Variants in SLC5A3 observed in about 807,000 individuals in gnomAD.
SLC5A3 encodes sodium/myo-inositol cotransporter.
SLC5A3 carries 10 observed loss-of-function variants against 43.2 expected under a neutral mutation model. That is an observed-to-expected ratio of 0.23 (90% confidence interval 0.14 to 0.39). The LOEUF (loss-of-function observed/expected upper bound fraction) is 0.39. Among genes scored for constraint, SLC5A3 ranks in the 10% least tolerant of loss-of-function variants. The pLI, the probability that SLC5A3 is intolerant of heterozygous loss-of-function variation, is 1.00. For missense variants in SLC5A3, 608 were observed against 893.4 expected (o/e 0.68, Z 4.07); for synonymous variants, 349 against 322.0 (o/e 1.08, Z -0.90).
In SLC5A3 at chr21:34,099,192, A is replaced by AT. The variant is rs1979117072; in HGVS notation, c.*1844dup. On this transcript the variant is annotated 3_prime_UTR_variant, in exon 2 of 2. Transcript: ENST00000381151. ...TGAAGAGCTTAGAGTGCCTTGTAGAATTTTTTTCTCAATTTTATTCTTGAG... is the reference window on the plus strand; with the variant it reads ...TGAAGAGCTTAGAGTGCCTTGTAGAATTTTTTTTCTCAATTTTATTCTTGAG... 1.0e-6 allele frequency: 1 copy of AT among 999,806 alleles called. No individual in the cohort carries two copies. Among genetic ancestry groups the AT allele is most frequent in the Non-Finnish European group, 1.2e-6 (1 of 829,772 alleles). 61.9% of individuals were successfully genotyped at this position (999,806 alleles called of 1,614,324 possible). A position where few individuals can be genotyped will look rare whatever the true frequency, so the allele number is the denominator to read the frequency against.
rs760172791 is a variant in SLC5A3, at chr21:34,095,160, C to T, written c.-39C>T. ...CTAAAAATAAATAAAAAGTTGGACA[C>T]TTCTGTCATTGGAGCGCTATTATTC... On this transcript the variant is annotated 5_prime_UTR_variant, in exon 2 of 2. Coordinates refer to ENST00000381151, the MANE Select transcript of SLC5A3 (RefSeq NM_006933.7). 1 of 1,423,948 alleles carries T rather than the reference C, an allele frequency of 7.0e-7. No individual in the cohort carries two copies. The highest frequency in any genetic ancestry group is 2.5e-5 in the East Asian group (1 of 40,022). The allele number at this position is 1,423,948 out of a possible 1,614,324, so 88.2% of individuals were successfully genotyped here. A position where few individuals can be genotyped will look rare whatever the true frequency, so the allele number is the denominator to read the frequency against.
chr21:34,095,631 T>G lies in SLC5A3; in HGVS notation c.433T>G (p.Ser145Ala). 1 of 1,613,260 alleles carries G rather than the reference T, an allele frequency of 6.2e-7. No homozygotes were observed. Among genetic ancestry groups the G allele is most frequent in the Non-Finnish European group, 8.5e-7 (1 of 1,179,788 alleles). The change falls in exon 2 of 2, where the codon TCG becomes GCG. Residue 145 changes from serine (S) to alanine (A), a missense_variant. Ser to Ala is a moderately conservative substitution (Grantham distance 99). Around this residue, in one of 2 missense-constraint regions of SLC5A3, gnomAD observed 398 missense variants for 668.6 expected, o/e 0.60. Transcript: ENST00000381151. ...CACCAAGCTCTCGGTGGATCTGTAT[T>G]CGGGTGCCCTTTTTATCCAGGAGTC... is the stretch of plus-strand genomic sequence containing the variant. The part of the protein sequence containing the change: ...IFTKLSVDLY[S>A]GALFIQESLG...
chr21:34,079,842 C>G (rs16991167), intron 1 of SLC5A3, among the ~76,000 whole-genome samples: 1,749 of 152,180 alleles, frequency 0.011, 38 homozygotes, highest in South Asian at 0.081. Context: ...TTATGGCCTC[C>G]TGGGTATCCC....
rs1203522457 is a variant in SLC5A3, at chr21:34,098,169, T to G, written c.*814T>G. On this transcript the variant is annotated 3_prime_UTR_variant, in exon 2 of 2. Transcript: ENST00000381151. ...ATCATATTAAGGTTGTTTATATAGT[T>G]TGGAAATGACCAGCCCCCTAAGCAG... The G allele has an allele frequency of 1.0e-6, 1 of 999,896 alleles. No homozygotes were observed. Among genetic ancestry groups the G allele is most frequent in the Non-Finnish European group, 1.2e-6 (1 of 829,870 alleles). The allele number at this position is 999,896 out of a possible 1,614,324, so 61.9% of individuals were successfully genotyped here.
At chr21:34,090,144 G>A (rs1015572374) in intron 1 of SLC5A3, among the ~76,000 whole-genome samples, 1 of 152,206 alleles carries the variant, frequency 6.6e-6, no homozygotes, top group African/African-American at 2.4e-5. Flanking sequence ...AATCTGTAGT[G>A]TTGTCTTTAG....
Position 34,104,730 on chromosome 21 carries a change from G to T in SLC5A3, c.*7375G>T. ...GGGAAGAAGATTACCAGAAGTGCAGGAAAGAGAAGTTTGAGGAACACCCTT... is the reference window on the plus strand; with the variant it reads ...GGGAAGAAGATTACCAGAAGTGCAGTAAAGAGAAGTTTGAGGAACACCCTT... On this transcript the variant is annotated 3_prime_UTR_variant, in exon 2 of 2. Transcript: ENST00000381151. 1.0e-6 allele frequency: 1 copy of T among 999,310 alleles called. No individual in the cohort carries two copies. The highest frequency in any genetic ancestry group is 1.2e-6 in the Non-Finnish European group (1 of 829,158). 61.9% of individuals were successfully genotyped at this position (999,310 alleles called of 1,614,324 possible). A position where few individuals can be genotyped will look rare whatever the true frequency, so the allele number is the denominator to read the frequency against.
At position 34,102,701 on chromosome 21, in the gene SLC5A3, C is replaced by T. The variant is rs982414435; in HGVS notation, c.*5346C>T. ...TAGAATAAAGTAAGCAGCTGAAGAGCGAGCAAATCAAGACAAAACACAGTG... is the reference window on the plus strand; with the variant it reads ...TAGAATAAAGTAAGCAGCTGAAGAGTGAGCAAATCAAGACAAAACACAGTG... On this transcript the variant is annotated 3_prime_UTR_variant, in exon 2 of 2. Coordinates refer to ENST00000381151, the MANE Select transcript of SLC5A3 (RefSeq NM_006933.7). 22 of 1,000,082 alleles carry T rather than the reference C, an allele frequency of 2.2e-5. No individual in the cohort carries two copies. The highest frequency in any genetic ancestry group is 2.7e-5 in the Non-Finnish European group (22 of 829,868). The allele number at this position is 1,000,082 out of a possible 1,614,324, so 62.0% of individuals were successfully genotyped here.
Position 34,095,873 on chromosome 21 carries a change from T to G in SLC5A3, c.675T>G (p.Thr225=), listed in dbSNP as rs377179597. The change falls in exon 2 of 2, where the codon ACT becomes ACG. Residue 225 remains threonine (T), a synonymous_variant. Coordinates refer to ENST00000381151, the MANE Select transcript of SLC5A3 (RefSeq NM_006933.7). ...ACATGTTGGCCTCACCCGATGTCAC[T>G]TCCATCTTATTGACATACAACCTTT... ...RRYMLASPDV[T]SILLTYNLSN... is the part of the protein sequence containing the mutation. 2.3e-5 allele frequency: 37 copies of G among 1,614,018 alleles called. No homozygotes were observed. The highest frequency in any genetic ancestry group is 4.0e-5 in the African/African-American group (3 of 74,904).
intron 1 of SLC5A3, among the ~76,000 whole-genome samples, chr21:34,080,492 A>G (rs914188388): frequency 6.6e-6 from 1 of 151,980 alleles, no homozygotes; most frequent in African/African-American, 2.4e-5. Flanking sequence ...CTCCCTTTCC[A>G]CAATACCCCA....
chr21:34,087,673 C>G (rs570476060), intron 1 of SLC5A3, among the ~76,000 whole-genome samples: 190 of 152,162 alleles, frequency 1.2e-3, no homozygotes, highest in Non-Finnish European at 2.4e-3. Context: ...AAAGTGTTGC[C>G]TGCATAGGAA....
At chr21:34,079,470 G>T (rs2148652549) in intron 1 of SLC5A3, among the ~76,000 whole-genome samples, 1 of 151,902 alleles carries the variant, frequency 6.6e-6, no homozygotes, top group East Asian at 1.9e-4. Flanking sequence ...GAGTCTTGCT[G>T]TGTTGCCTAG....
At chr21:34,074,788 A>C (rs1989285649) in intron 1 of SLC5A3, among the ~76,000 whole-genome samples, 1 of 152,246 alleles carries the variant, frequency 6.6e-6, no homozygotes, top group Non-Finnish European at 1.5e-5. Context: ...GTTTGAAATT[A>C]GGCTCCAGGT....
rs1979199090 is a variant in SLC5A3 at position 34,100,726 on chromosome 21, A to T, written c.*3371A>T. Reference sequence around the variant, plus strand: ...GCTAAGCAAGGGGTTAACTCTTGTGAGAGCCAATAGAGTGTGTCTGTATTC... The same window carrying T: ...GCTAAGCAAGGGGTTAACTCTTGTGTGAGCCAATAGAGTGTGTCTGTATTC... On this transcript the variant is annotated 3_prime_UTR_variant, in exon 2 of 2. Coordinates refer to ENST00000381151, the MANE Select transcript of SLC5A3 (RefSeq NM_006933.7). 7.0e-6 allele frequency: 7 copies of T among 999,960 alleles called. No individual in the cohort carries two copies. Among genetic ancestry groups the T allele is most frequent in the Non-Finnish European group, 7.2e-6 (6 of 829,888 alleles). The allele number at this position is 999,960 out of a possible 1,614,324, so 61.9% of individuals were successfully genotyped here. A position where few individuals can be genotyped will look rare whatever the true frequency, so the allele number is the denominator to read the frequency against.
intron 1 of SLC5A3, among the ~76,000 whole-genome samples, chr21:34,092,743 T>A (rs561012834): frequency 4.4e-4 from 67 of 152,320 alleles, no homozygotes; most frequent in African/African-American, 1.6e-3. Context: ...GCAGCTACTA[T>A]GACACATAAC....
At chr21:34,082,612 A>G (rs923885100) in intron 1 of SLC5A3, among the ~76,000 whole-genome samples, 1 of 152,214 alleles carries the variant, frequency 6.6e-6, no homozygotes, top group Non-Finnish European at 1.5e-5. Flanking sequence ...ACCATGAAAA[A>G]AATTCAGGTG....
At chr21:34,082,196 A>G (rs901434415) in intron 1 of SLC5A3, among the ~76,000 whole-genome samples, 3 of 152,182 alleles carry the variant, frequency 2.0e-5, no homozygotes, top group African/African-American at 7.2e-5. Context: ...TAAATCTCTT[A>G]GCATTTATGT....
At chr21:34,079,486 A>C (rs1989410092) in intron 1 of SLC5A3, among the ~76,000 whole-genome samples, 1 of 150,744 alleles carries the variant, frequency 6.6e-6, no homozygotes, top group Non-Finnish European at 1.5e-5. Flanking sequence ...CCTAGGCTGG[A>C]GTGCAGTGGC....
chr21:34,076,852 C>T (rs1034468385), intron 1 of SLC5A3, among the ~76,000 whole-genome samples: 28 of 152,146 alleles, frequency 1.8e-4, no homozygotes, highest in Non-Finnish European at 1.5e-5. Context: ...TCCTGTTACA[C>T]CCATATCAGA....
Position 34,100,828 on chromosome 21 carries a change from T to G in SLC5A3, c.*3473T>G. The G allele has an allele frequency of 1.0e-6, 1 of 1,000,256 alleles. No individual in the cohort carries two copies. The highest frequency in any genetic ancestry group is 5.2e-4 in the Middle Eastern group (1 of 1,916). 62.0% of individuals were successfully genotyped at this position (1,000,256 alleles called of 1,614,324 possible). ...ACTTTGAATATCATTTGGTGTGGCC[T>G]GTGGGTTATTTTCATTCTTTACCAC... is the stretch of plus-strand genomic sequence containing the variant. On this transcript the variant is annotated 3_prime_UTR_variant, in exon 2 of 2. Transcript: ENST00000381151.
Sources: allele counts gnomAD v4.1 joint callset (sites outside exome capture counted in the v4.1 genomes callset), GRCh38; gene constraint gnomAD v4.1.1; regional missense constraint gnomAD v4.1.1; transcripts MANE v1.5; gene names NCBI Gene and HGNC (gene_info 2026-07-23, HGNC 2026-07-21).